TAB2: variants seen among roughly 807,000 people sequenced by gnomAD.
The protein encoded by TAB2 is TGF-beta-activated kinase 1 and MAP3K7-binding protein 2.
A neutral mutation model predicts 65.0 loss-of-function variants in TAB2; 3 were observed. That is an observed-to-expected ratio of 0.05 (90% CI 0.02 to 0.12). The LOEUF is 0.12. Among genes scored for constraint, TAB2 ranks in the 10% least tolerant of loss-of-function variants. TAB2 has a pLI of 1.00. For missense variants in TAB2, 623 were observed against 840.3 expected, an observed-to-expected ratio of 0.74 and a Z score of 3.20; for synonymous variants, 298 against 285.1, an observed-to-expected ratio of 1.05 and a Z score of -0.46.
At chr6:149,254,435 A>G (rs1183738178) in intron 1 of TAB2, among the ~76,000 whole-genome samples, 2 of 152,206 alleles carry the variant, frequency 1.3e-5, no homozygotes, top group Non-Finnish European at 2.9e-5. Flanking sequence ...TAGCTGATTC[A>G]GGTCATATGA....
intron 1 of TAB2, among the ~76,000 whole-genome samples, chr6:149,240,553 G>GCATCATCAT (rs35731147): frequency 2.6e-5 from 4 of 151,590 alleles, no homozygotes; most frequent in Non-Finnish European, 4.4e-5. Context: ...TAGAATAATA[G>GCATCATCAT]CATCATCATC....
chr6:149,292,603 C>T (rs625571), intron 1 of TAB2, among the ~76,000 whole-genome samples: 66,427 of 152,110 alleles, frequency 0.44, 17,471 homozygotes, highest in African/African-American at 0.75. Flanking sequence ...CTGAACTATG[C>T]TGTTGACAGG....
intron 1 of TAB2, among the ~76,000 whole-genome samples, chr6:149,271,547 T>C (rs1341498795): frequency 6.6e-6 from 1 of 152,186 alleles, no homozygotes; most frequent in Non-Finnish European, 1.5e-5. Flanking sequence ...ACTTCCTTTT[T>C]AGGACATGAC....
intron 1 of TAB2, chr6:149,243,951 A>G (rs1214906670): frequency 6.6e-6 from 1 of 152,206 alleles, no homozygotes; most frequent in Non-Finnish European, 1.5e-5. Context: ...AGATTATCCC[A>G]TCCAGTGTGG....
intron 1 of TAB2, among the ~76,000 whole-genome samples, chr6:149,344,739 GAA>G (rs1562425132): frequency 2.0e-5 from 3 of 152,194 alleles, no homozygotes; most frequent in Non-Finnish European, 4.4e-5. Context: ...TTGAATTGAT[GAA>G]GTTAGAGGTT....
chr6:149,278,450 G>A (rs954502824), intron 1 of TAB2, among the ~76,000 whole-genome samples: 8 of 152,154 alleles, frequency 5.3e-5, no homozygotes, highest in Non-Finnish European at 1.0e-4. Flanking sequence ...ATAATATGAA[G>A]AGTAATGTAT....
chr6:149,331,157 G>T (rs1362081544), intron 1 of TAB2, among the ~76,000 whole-genome samples: 2 of 152,080 alleles, frequency 1.3e-5, no homozygotes, highest in Non-Finnish European at 2.9e-5. Flanking sequence ...CGGGGAAATT[G>T]ACATTTTTAT....
rs574193900 is a variant in TAB2, at chr6:149,393,330, G to A, written c.1604-4274G>A. On this transcript the variant is annotated intron_variant, in intron 3 of 6. Coordinates refer to ENST00000637181, the MANE Select transcript of TAB2 (RefSeq NM_001292034.3). ...TGGATTTGCAATATTTTACTTTAGA[G>A]CTTCAGACTAATCATAAGAGATACT... Among the ~76,000 whole-genome samples the A allele has an allele frequency of 1.7e-3, 266 of 152,222 alleles. 10 individuals are homozygous for A. In the South Asian group the frequency reaches 0.036, roughly 20 times the overall value.
intron 1 of TAB2, among the ~76,000 whole-genome samples, chr6:149,225,309 A>G (rs1350185183): frequency 6.6e-6 from 1 of 152,240 alleles, no homozygotes; most frequent in African/African-American, 2.4e-5. Context: ...ACTAGATCCA[A>G]TTTGTACATC....
At chr6:149,301,708 G>A (rs1386751062) in intron 1 of TAB2, among the ~76,000 whole-genome samples, 11 of 151,984 alleles carry the variant, frequency 7.2e-5, no homozygotes, top group Non-Finnish European at 8.8e-5. Context: ...TTCTTTAGTC[G>A]TGTGCATTGT....
chr6:149,361,070 GT>G (rs1305321432), intron 1 of TAB2, among the ~76,000 whole-genome samples: 1 of 152,208 alleles, frequency 6.6e-6, no homozygotes, highest in African/African-American at 2.4e-5. Context: ...CTAGCACAAG[GT>G]GTAAGCTGCT....
intron 1 of TAB2, among the ~76,000 whole-genome samples, chr6:149,259,348 C>G (rs920582936): frequency 2.7e-5 from 4 of 150,704 alleles, no homozygotes; most frequent in Non-Finnish European, 5.9e-5. Flanking sequence ...CACACACACA[C>G]ACACACACAC....
At chr6:149,409,449 C>A in intron 6 of TAB2, 128 bp from the exon 7 acceptor site, 1 of 793,964 alleles carries the variant, frequency 1.3e-6, no homozygotes, top group Non-Finnish European at 2.1e-6. Context: ...GTGTCAGTGT[C>A]AGCTAGATGC....
intron 1 of TAB2, among the ~76,000 whole-genome samples, chr6:149,276,594 C>T (rs1323555550): frequency 6.6e-6 from 1 of 152,136 alleles, no homozygotes; most frequent in Non-Finnish European, 1.5e-5. Context: ...GAAAAGCTGT[C>T]CAACCTCACT....
intron 3 of TAB2, among the ~76,000 whole-genome samples, chr6:149,394,400 A>G (rs1334106135): frequency 6.6e-6 from 1 of 152,176 alleles, no homozygotes; most frequent in African/African-American, 2.4e-5. Flanking sequence ...TCTGTCAGGT[A>G]ATTCCAGCTG....
At chr6:149,391,908 T>G (rs1184376284) in intron 3 of TAB2, among the ~76,000 whole-genome samples, 2 of 151,998 alleles carry the variant, frequency 1.3e-5, no homozygotes, top group Admixed American at 6.6e-5. Flanking sequence ...ACATATGAAA[T>G]TTTCATTTTG....
At chr6:149,352,179 C>T (rs960957316) in intron 1 of TAB2, among the ~76,000 whole-genome samples, 3 of 152,040 alleles carry the variant, frequency 2.0e-5, no homozygotes, top group Non-Finnish European at 4.4e-5. Context: ...TAGCTTTGCT[C>T]CACCATTTAC....
intron 1 of TAB2, chr6:149,220,793 T>A (rs1562377679): frequency 1.3e-5 from 2 of 152,346 alleles, no homozygotes; most frequent in East Asian, 3.9e-4. Flanking sequence ...ATTTTTGCAT[T>A]TTTTGTAGAG....
intron 6 of TAB2, among the ~76,000 whole-genome samples, chr6:149,407,034 T>C (rs533034865): frequency 6.6e-6 from 1 of 152,308 alleles, no homozygotes; most frequent in South Asian, 2.1e-4. Context: ...TTTTTATGTA[T>C]AATTAGGTGT....
Sources: allele counts gnomAD v4.1 joint callset (sites outside exome capture counted in the v4.1 genomes callset), GRCh38; gene constraint gnomAD v4.1.1; transcripts MANE v1.5; gene names NCBI Gene and HGNC (gene_info 2026-07-23, HGNC 2026-07-21).